The following ARID5B variants were observed in gnomAD, a reference collection of about 807,000 sequenced individuals.
ARID5B encodes the protein AT-rich interactive domain-containing protein 5B.
In ARID5B, 13 loss-of-function variants were observed where a neutral mutation model predicts 97.2. The ratio of observed to expected loss-of-function variants is 0.13; its 90% confidence interval spans 0.09 to 0.21. The LOEUF (loss-of-function observed/expected upper bound fraction) is 0.21. Among genes scored for constraint, ARID5B ranks in the 10% least tolerant of loss-of-function variants. The probability of loss-of-function intolerance (pLI) is 1.00; values close to 1 mark genes in which losing one functional copy is unlikely to be tolerated. For missense variants in ARID5B, 1,210 were observed against 1,465.3 expected, an observed-to-expected ratio of 0.83 and a Z score of 2.84; for synonymous variants, 556 against 570.3, an observed-to-expected ratio of 0.97 and a Z score of 0.36.
rs751911768 is a variant in ARID5B at position 62,090,998 on chromosome 10, T to G, written c.1535T>G (p.Val512Gly). ...EFSAKPLASRVDPEKDNETDQ... is the reference protein window; with the variant it reads ...EFSAKPLASRGDPEKDNETDQ... ...TCAGCGAAGCCCCTGGCATCCAGAG[T>G]AGACCCAGAGAAGGACAACGAAACA... is the stretch of plus-strand genomic sequence containing the variant. The change falls in exon 10 of 10, where the codon GTA becomes GGA. Residue 512 changes from valine (V) to glycine (G), a missense_variant. Around this residue, in one of 8 missense-constraint regions of ARID5B, gnomAD observed 800 missense variants for 839.1 expected, o/e 0.95. Transcript: ENST00000279873. 1.2e-6 allele frequency: 2 copies of G among 1,613,704 alleles called. No homozygotes were observed. The highest frequency in any genetic ancestry group is 8.5e-7 in the Non-Finnish European group (1 of 1,179,920).
In ARID5B at chr10:62,090,997, G is replaced by A. The variant is rs200787076; in HGVS notation, c.1534G>A (p.Val512Ile). ...EFSAKPLASRVDPEKDNETDQ... is the reference protein window; with the variant it reads ...EFSAKPLASRIDPEKDNETDQ... Reference sequence around the variant, plus strand: ...TTCAGCGAAGCCCCTGGCATCCAGAGTAGACCCAGAGAAGGACAACGAAAC... The same window carrying A: ...TTCAGCGAAGCCCCTGGCATCCAGAATAGACCCAGAGAAGGACAACGAAAC... The change falls in exon 10 of 10, where the codon GTA (valine) becomes ATA (isoleucine). Residue 512 changes from valine to isoleucine, a missense_variant. Val to Ile is a conservative substitution (Grantham distance 29). This residue lies in a region of ARID5B where 800 missense variants were observed against 839.1 expected (regional missense o/e 0.95). Transcript: ENST00000279873. 9.0e-5 allele frequency: 145 copies of A among 1,614,096 alleles called. No homozygotes were observed. The highest frequency in any genetic ancestry group is 1.2e-4 in the Non-Finnish European group (142 of 1,180,044).
intron 2 of ARID5B, among the ~76,000 whole-genome samples, chr10:61,912,225 ATTC>A (rs1461911441): frequency 1.3e-5 from 2 of 152,236 alleles, no homozygotes; most frequent in Non-Finnish European, 2.9e-5. Context: ...AATACTGTGT[ATTC>A]TTCTTAAGGG....
At chr10:62,075,446 G>T (rs1840117211) in intron 8 of ARID5B, among the ~76,000 whole-genome samples, 1 of 152,224 alleles carries the variant, frequency 6.6e-6, no homozygotes, top group Non-Finnish European at 1.5e-5. Flanking sequence ...CCTGCAGTGG[G>T]AGGGCCTAGA....
intron 4 of ARID5B, among the ~76,000 whole-genome samples, chr10:62,003,347 G>A (rs530041046): frequency 3.3e-5 from 5 of 152,094 alleles, no homozygotes; most frequent in Non-Finnish European, 7.4e-5. Context: ...GCTGGGAGGT[G>A]GATAGAGATG....
chr10:61,912,233 T>C (rs1843817818), intron 2 of ARID5B, among the ~76,000 whole-genome samples: 1 of 152,186 alleles, frequency 6.6e-6, no homozygotes, highest in Non-Finnish European at 1.5e-5. Context: ...GTATTCTTCT[T>C]AAGGGAGGAA....
intron 3 of ARID5B, among the ~76,000 whole-genome samples, chr10:61,948,518 C>T (rs1838275114): frequency 3.3e-5 from 5 of 151,118 alleles, no homozygotes. Flanking sequence ...AGGTGCGCGC[C>T]ACCACATCCG....
chr10:62,066,420 C>G (rs1839989612), intron 7 of ARID5B, among the ~76,000 whole-genome samples: 1 of 152,180 alleles, frequency 6.6e-6, no homozygotes, highest in African/African-American at 2.4e-5. Flanking sequence ...GAAAATATCT[C>G]AAAATGGCCC....
At chr10:61,947,320 G>C (rs1246516084) in intron 3 of ARID5B, among the ~76,000 whole-genome samples, 1 of 144,482 alleles carries the variant, frequency 6.9e-6, no homozygotes, top group African/African-American at 2.6e-5. Flanking sequence ...CCAGGCTGGA[G>C]TGCAGTGGTG....
intron 3 of ARID5B, among the ~76,000 whole-genome samples, chr10:61,998,592 G>A (rs1336378866): frequency 2.6e-5 from 4 of 152,240 alleles, no homozygotes; most frequent in Non-Finnish European, 5.9e-5. Context: ...ACAAAATAAA[G>A]TGAGGTGTAA....
At chr10:61,919,992 C>G (rs1843984306) in intron 2 of ARID5B, among the ~76,000 whole-genome samples, 1 of 152,058 alleles carries the variant, frequency 6.6e-6, no homozygotes, top group African/African-American at 2.4e-5. Context: ...ATCAGTAATT[C>G]AAGAGACAGC....
intron 8 of ARID5B, among the ~76,000 whole-genome samples, chr10:62,082,426 C>G (rs923546399): frequency 7.2e-5 from 11 of 152,184 alleles, no homozygotes; most frequent in Non-Finnish European, 1.5e-4. Context: ...AGCCAGCCCC[C>G]ATTCTTAGAG....
chr10:61,946,234 T>C (rs1161905423), intron 3 of ARID5B, among the ~76,000 whole-genome samples: 1 of 152,046 alleles, frequency 6.6e-6, no homozygotes, highest in Non-Finnish European at 1.5e-5. Flanking sequence ...GTATTGCAAA[T>C]GGTTGTTTCA....
At chr10:61,958,812 C>G (rs774959828) in intron 3 of ARID5B, among the ~76,000 whole-genome samples, 2 of 152,198 alleles carry the variant, frequency 1.3e-5, no homozygotes, top group Non-Finnish European at 2.9e-5. Flanking sequence ...TTGAGGTTGT[C>G]TGGTTAACAG....
intron 4 of ARID5B, among the ~76,000 whole-genome samples, chr10:62,046,148 T>G (rs1008070413): frequency 1.3e-5 from 2 of 152,214 alleles, no homozygotes; most frequent in Non-Finnish European, 2.9e-5. Context: ...CAATCCAGCT[T>G]TTATAGCAGT....
At chr10:61,903,408 G>T (rs2132748660) in intron 2 of ARID5B, among the ~76,000 whole-genome samples, 1 of 152,368 alleles carries the variant, frequency 6.6e-6, no homozygotes, top group South Asian at 2.1e-4. Context: ...GTCATTTCAT[G>T]TGTGACCGCA....
chr10:61,984,809 C>T (rs915789233), intron 3 of ARID5B, among the ~76,000 whole-genome samples: 1 of 152,174 alleles, frequency 6.6e-6, no homozygotes, highest in Non-Finnish European at 1.5e-5. Context: ...CTGGTTCATA[C>T]CAGTTACAGC....
chr10:61,949,948 G>A (rs1236697741), intron 3 of ARID5B, among the ~76,000 whole-genome samples: 1 of 152,064 alleles, frequency 6.6e-6, no homozygotes, highest in Non-Finnish European at 1.5e-5. Context: ...CAGTAATTCT[G>A]TTTGCATTTG....
chr10:62,008,921 T>C (rs1172594434), intron 4 of ARID5B, among the ~76,000 whole-genome samples: 1 of 152,250 alleles, frequency 6.6e-6, no homozygotes, highest in Non-Finnish European at 1.5e-5. Flanking sequence ...CTTGGCATTA[T>C]TCTTTAATGA....
At chr10:61,997,506 G>C (rs763587487) in intron 3 of ARID5B, among the ~76,000 whole-genome samples, 4 of 152,166 alleles carry the variant, frequency 2.6e-5, no homozygotes, top group Admixed American at 6.5e-5. Context: ...TTCAACCTGA[G>C]AGCACACACA....
Sources: gnomAD v4.1 joint callset for allele counts (sites outside exome capture counted in the v4.1 genomes callset) on GRCh38, gnomAD v4.1.1 for gene constraint, gnomAD v4.1.1 regional missense constraint, MANE v1.5 for transcripts, NCBI Gene and HGNC (gene_info 2026-07-23, HGNC 2026-07-21) for gene names.